ACACB: variants seen among roughly 807,000 people sequenced by gnomAD.
The protein encoded by ACACB is acetyl-CoA carboxylase 2.
Under a neutral mutation model 278.8 loss-of-function variants are expected in ACACB, and 209 were observed. The observed-to-expected ratio is 0.75, with a 90% CI of 0.67 to 0.84. The LOEUF is 0.84. Among genes scored for constraint, ACACB ranks in the 40% least tolerant of loss-of-function variants. The pLI is 0.00. For missense variants in ACACB, 2,850 were observed against 3,269.0 expected, an observed-to-expected ratio of 0.87 and a Z score of 3.13; for synonymous variants, 1,174 against 1,285.6, an observed-to-expected ratio of 0.91 and a Z score of 1.86.
intron 19 of ACACB, among the ~76,000 whole-genome samples, chr12:109,202,703 A>G (rs1015311858): frequency 1.3e-5 from 2 of 152,306 alleles, no homozygotes; most frequent in East Asian, 3.9e-4. Context: ...TAATGAACCA[A>G]TATCGATATA....
chr12:109,238,412 A>G (rs868538670), intron 34 of ACACB, among the ~76,000 whole-genome samples: 3 of 139,762 alleles, frequency 2.1e-5, no homozygotes, highest in South Asian at 2.1e-4. Context: ...ATAATTATAT[A>G]TAATAATATA....
intron 21 of ACACB, among the ~76,000 whole-genome samples, chr12:109,212,055 C>T (rs903650379): frequency 2.6e-5 from 4 of 152,282 alleles, no homozygotes; most frequent in Admixed American, 2.0e-4. Flanking sequence ...TTGATATGTG[C>T]GGAATGGTAT....
At chr12:109,125,351 A>T (rs988315667) in intron 1 of ACACB, 2 of 152,090 alleles carry the variant, frequency 1.3e-5, no homozygotes, top group Non-Finnish European at 2.9e-5. Flanking sequence ...CATCATGTAC[A>T]TTTCTGCCCC....
At chr12:109,224,532 TTTA>T (rs34249818) in intron 27 of ACACB, among the ~76,000 whole-genome samples, 36 of 149,998 alleles carry the variant, frequency 2.4e-4, no homozygotes, top group African/African-American at 8.7e-4. Flanking sequence ...AATCTGCTCT[TTTA>T]TTATTATTAT....
chr12:109,119,233 T>G (rs1411620936), intron 1 of ACACB, among the ~76,000 whole-genome samples: 1 of 152,144 alleles, frequency 6.6e-6, no homozygotes, highest in South Asian at 2.1e-4. Context: ...AGTCCTGCTC[T>G]CTGGGCTCAT....
chr12:109,214,695 G>T (rs1593595855), intron 22 of ACACB, among the ~76,000 whole-genome samples: 1 of 152,122 alleles, frequency 6.6e-6, no homozygotes, highest in South Asian at 2.1e-4. Flanking sequence ...TTGTGATTTG[G>T]TGATGCTGCC....
At chr12:109,230,472 G>T (rs1486296770) in intron 28 of ACACB, among the ~76,000 whole-genome samples, 2 of 150,690 alleles carry the variant, frequency 1.3e-5, no homozygotes, top group Admixed American at 6.6e-5. Flanking sequence ...ACCCAGGCTA[G>T]AGTGCAGTGG....
intron 4 of ACACB, 114 bp from the exon 5 acceptor site, chr12:109,171,691 A>T: frequency 2.6e-6 from 2 of 780,088 alleles, no homozygotes; most frequent in Non-Finnish European, 4.3e-6. Flanking sequence ...TTGTTACCAT[A>T]GAAATCTGCA....
Position 109,175,972 on chromosome 12 carries a change from A to G in ACACB, c.1258A>G (p.Lys420Glu). The change falls in exon 8 of 53, where the codon AAA becomes GAA. Residue 420 changes from lysine (K) to glutamate (E), a missense_variant. Lys to Glu is a moderately conservative substitution (Grantham distance 56). Around this residue, in one of 3 missense-constraint regions of ACACB, gnomAD observed 2,265 missense variants for 2,561.3 expected, o/e 0.88. Coordinates refer to ENST00000338432, the MANE Select transcript of ACACB (RefSeq NM_001093.4). ...GACAGAAGATGATCTGCAGCAGGGAAAAAGAATCAGTGTCCCAGAAGATGT... is the reference window on the plus strand; with the variant it reads ...GACAGAAGATGATCTGCAGCAGGGAGAAAGAATCAGTGTCCCAGAAGATGT... ...EWTEDDLQQGKRISVPEDVYD... is the reference protein window; with the variant it reads ...EWTEDDLQQGERISVPEDVYD... 6.2e-7 allele frequency: 1 copy of G among 1,614,146 alleles called. No individual in the cohort carries two copies. Among genetic ancestry groups the G allele is most frequent in the Non-Finnish European group, 8.5e-7 (1 of 1,180,012 alleles).
At chr12:109,238,336 T>C (rs1162686455) in intron 34 of ACACB, among the ~76,000 whole-genome samples, 1 of 143,948 alleles carries the variant, frequency 6.9e-6, no homozygotes, top group Non-Finnish European at 1.5e-5. Context: ...GGATGTACCG[T>C]GTATAATTTT....
In ACACB at chr12:109,245,620, C is replaced by T. The variant is rs1261886722; in HGVS notation, c.5179-6C>T. The T allele has an allele frequency of 1.2e-6, 2 of 1,612,868 alleles. No homozygotes were observed. Among genetic ancestry groups the T allele is most frequent in the Non-Finnish European group, 1.7e-6 (2 of 1,179,708 alleles). ...AAGTTTTTTCTCTTTCCTCTTCTCT[C>T]CCCAGGCTCTCTTTAAACTGTGGGG... On this transcript the variant is annotated splice_region_variant and splice_polypyrimidine_tract_variant and intron_variant, in intron 37 of 52. Coordinates refer to ENST00000338432, the MANE Select transcript of ACACB (RefSeq NM_001093.4).
At position 109,254,227 on chromosome 12, in the gene ACACB, C is replaced by T; in HGVS notation, c.6059C>T (p.Pro2020Leu). ...LSYMPKDNHSPVPIITPTDPI... is the reference protein window; with the variant it reads ...LSYMPKDNHSLVPIITPTDPI... Reference sequence around the variant, plus strand: ...TTTCTTTTTTAGGATAATCACAGCCCTGTCCCTATCATCACACCCACTGAC... The same window carrying T: ...TTTCTTTTTTAGGATAATCACAGCCTTGTCCCTATCATCACACCCACTGAC... The change falls in exon 44 of 53, where the codon CCT becomes CTT. Residue 2020 changes from proline (P) to leucine (L), a missense_variant. Around this residue, in one of 3 missense-constraint regions of ACACB, gnomAD observed 579 missense variants for 684.6 expected, o/e 0.85. Transcript: ENST00000338432. 6.2e-7 allele frequency: 1 copy of T among 1,613,896 alleles called. No homozygotes were observed. The highest frequency in any genetic ancestry group is 8.5e-7 in the Non-Finnish European group (1 of 1,179,888).
Position 109,197,040 on chromosome 12 carries a change from C to G in ACACB, c.2514C>G (p.Leu838=). 4 of 1,587,648 alleles carry G rather than the reference C, an allele frequency of 2.5e-6. No individual in the cohort carries two copies. Among genetic ancestry groups the G allele is most frequent in the Non-Finnish European group, 3.4e-6 (4 of 1,169,550 alleles). The part of the protein sequence containing the change: ...VARQSLTMFV[L]IMNGCHIEID... ...GGCAGTCTCTGACCATGTTCGTTCT[C>G]ATCATGAATGGCTGCCACATCGAGA... The change falls in exon 17 of 53, where the codon CTC becomes CTG. Residue 838 remains leucine (L), a synonymous_variant. Transcript: ENST00000338432.
chr12:109,227,749 TGG>T (rs1262709465), intron 28 of ACACB, among the ~76,000 whole-genome samples: 1 of 152,224 alleles, frequency 6.6e-6, no homozygotes, highest in Admixed American at 6.5e-5. Flanking sequence ...TGAATGCACA[TGG>T]GCCAGGCGCG....
At position 109,191,509 on chromosome 12, in the gene ACACB, C is replaced by T. The variant is rs568454794; in HGVS notation, c.2145-104C>T. Reference sequence around the variant, plus strand: ...GATTACAGGCGTGAGCCACCACACCCGGCCACTCCTGTGCTTTTCCAGTTC... The same window carrying T: ...GATTACAGGCGTGAGCCACCACACCTGGCCACTCCTGTGCTTTTCCAGTTC... On this transcript the variant is annotated intron_variant, in intron 13 of 52. Transcript: ENST00000338432. 8.1e-5 allele frequency: 117 copies of T among 1,451,226 alleles called. No individual in the cohort carries two copies. The African/African-American group carries it at 8.4e-4, about 10-fold the overall frequency. 89.9% of individuals were successfully genotyped at this position (1,451,226 alleles called of 1,614,324 possible).
At chr12:109,122,889 T>TA (rs973657860) in intron 1 of ACACB, among the ~76,000 whole-genome samples, 1 of 151,926 alleles carries the variant, frequency 6.6e-6, no homozygotes, top group Non-Finnish European at 1.5e-5. Context: ...CATTTTATTA[T>TA]AAAAAAATTT....
intron 37 of ACACB, among the ~76,000 whole-genome samples, chr12:109,244,598 C>T (rs1479067782): frequency 6.6e-6 from 1 of 152,108 alleles, no homozygotes; most frequent in Non-Finnish European, 1.5e-5. Flanking sequence ...CTCTTTTTTA[C>T]AGGCATGAGC....
Position 109,159,718 on chromosome 12 carries a change from C to T in ACACB, c.654-7143C>T, listed in dbSNP as rs78211254. On this transcript the variant is annotated intron_variant, in intron 2 of 52. Coordinates refer to ENST00000338432, the MANE Select transcript of ACACB (RefSeq NM_001093.4). ...ATCCCTGGTCTCCACCCACTAGATG[C>T]CAGTAGCGCATCCCCCAAGTTGTGA... 6.4e-3 allele frequency among the ~76,000 whole-genome samples: 968 copies of T among 152,054 alleles called. 11 individuals are homozygous for T. Among genetic ancestry groups the T allele is most frequent in the African/African-American group, 0.022 (918 of 41,454 alleles).
rs540813520 is a variant in ACACB at position 109,195,125 on chromosome 12, G to C, written c.2481+1396G>C. Among the ~76,000 whole-genome samples, 20 of 152,220 alleles carry C rather than the reference G, an allele frequency of 1.3e-4. No homozygotes were observed. The South Asian group carries it at 2.3e-3, about 17-fold the overall frequency. The stretch of plus-strand genomic sequence containing the variant: ...TTGGTGTCCTAGCCATGGTGTTCTG[G>C]GCCCAGGGTCCTTGTTGGGGTGAGC... On this transcript the variant is annotated intron_variant, in intron 16 of 52. Coordinates refer to ENST00000338432, the MANE Select transcript of ACACB (RefSeq NM_001093.4).
Sources: allele counts gnomAD v4.1 joint callset (sites outside exome capture counted in the v4.1 genomes callset), GRCh38; gene constraint gnomAD v4.1.1; regional missense constraint gnomAD v4.1.1; transcripts MANE v1.5; gene names NCBI Gene and HGNC (gene_info 2026-07-23, HGNC 2026-07-21).